Variants in GCNT1 observed in about 807,000 individuals in gnomAD.
The protein encoded by GCNT1 is beta-1,3-galactosyl-O-glycosyl-glycoprotein beta-1,6-N-acetylglucosaminyltransferase.
Under a neutral mutation model 26.2 loss-of-function variants are expected in GCNT1, and 16 were observed. The observed-to-expected ratio is 0.61, with a 90% CI of 0.41 to 0.93. The LOEUF is 0.93. GCNT1 is among the 40% of genes least tolerant of loss of function. The pLI is 0.00. For synonymous variants in GCNT1, 183 were observed against 190.8 expected, an observed-to-expected ratio of 0.96 and a Z score of 0.34; for missense variants, 477 against 526.7, an observed-to-expected ratio of 0.91 and a Z score of 0.92.
the GCNT1 span, among the ~76,000 whole-genome samples, chr9:76,399,992 A>G: frequency 1.8e-4 from 28 of 152,208 alleles, no homozygotes; most frequent in African/African-American, 6.3e-4. Context: ...GCTACATAAC[A>G]CATGATTCCA....
chr9:76,486,429 T>C lies in GCNT1; in HGVS notation c.-289-14487T>C, dbSNP rs577018981. Among the ~76,000 whole-genome samples the C allele has an allele frequency of 3.9e-5, 6 of 152,332 alleles. No homozygotes were observed. The East Asian group carries it at 1.2e-3, about 29-fold the overall frequency. Reference sequence around the variant, plus strand: ...TTGACCAATAGCTTGGCTGGTTATTTAGAATTCCAAGTTGAAAACAGTTTT... The same window carrying C: ...TTGACCAATAGCTTGGCTGGTTATTCAGAATTCCAAGTTGAAAACAGTTTT... On this transcript the variant is annotated intron_variant, in intron 2 of 3. Coordinates refer to ENST00000376730, the MANE Select transcript of GCNT1 (RefSeq NM_001490.5).
chr9:76,437,739 G>C (rs114263696), upstream of GCNT1, among the ~76,000 whole-genome samples: 356 of 152,236 alleles, frequency 2.3e-3, 1 homozygote, highest in African/African-American at 8.0e-3. Context: ...CATAACAAGA[G>C]TCTTACTGGC....
At chr9:76,422,961 T>A (rs909692086) in intron 1 of GCNT1, among the ~76,000 whole-genome samples, 6 of 152,378 alleles carry the variant, frequency 3.9e-5, no homozygotes, top group Non-Finnish European at 5.9e-5. Flanking sequence ...AATGGTAGAC[T>A]AATGTAATAA....
rs1395625481 is a variant in GCNT1 at position 76,503,904 on chromosome 9, G to A, written c.*236G>A. ...GTGGGAGGAGTAAAGGTAGCCTTGA[G>A]GCCAGAGCAGGTAGCAAGGCATTGT... On this transcript the variant is annotated 3_prime_UTR_variant, in exon 4 of 4. Coordinates refer to ENST00000376730, the MANE Select transcript of GCNT1 (RefSeq NM_001490.5). 1 of 525,022 alleles carries A rather than the reference G, an allele frequency of 1.9e-6. No individual in the cohort carries two copies. 32.5% of individuals were successfully genotyped at this position (525,022 alleles called of 1,614,324 possible). A position where few individuals can be genotyped will look rare whatever the true frequency, so the allele number is the denominator to read the frequency against.
chr9:76,496,851 G>T (rs1003430649), intron 2 of GCNT1, among the ~76,000 whole-genome samples: 3 of 151,964 alleles, frequency 2.0e-5, no homozygotes, highest in African/African-American at 4.8e-5. Context: ...TAGGTTATGC[G>T]ATCTACTTAA....
chr9:76,439,372 G>A (rs950625773), upstream of GCNT1, among the ~76,000 whole-genome samples: 13 of 151,770 alleles, frequency 8.6e-5, no homozygotes, highest in African/African-American at 2.9e-4. Flanking sequence ...TTACAGGTGC[G>A]TGGCACCACG....
chr9:76,448,002 G>T (rs1823605308), intron 1 of GCNT1, among the ~76,000 whole-genome samples: 2 of 152,198 alleles, frequency 1.3e-5, no homozygotes, highest in South Asian at 2.1e-4. Context: ...TTCCAGATAG[G>T]AATCACTGAG....
At chr9:76,413,597 C>T in the GCNT1 span, among the ~76,000 whole-genome samples, 5,977 of 138,082 alleles carry the variant, frequency 0.043, 174 homozygotes, top group Middle Eastern at 0.12. Context: ...ATTTCTTTGT[C>T]TTTGATTTTT....
At chr9:76,445,436 G>A (rs1301988216) in intron 1 of GCNT1, among the ~76,000 whole-genome samples, 1 of 151,972 alleles carries the variant, frequency 6.6e-6, no homozygotes, top group African/African-American at 2.4e-5. Context: ...CACCCAGGCT[G>A]GAGTGCAGTG....
chr9:76,484,382 A>G lies in GCNT1; in HGVS notation c.-289-16534A>G, dbSNP rs1050581899. On this transcript the variant is annotated intron_variant, in intron 2 of 3. Transcript: ENST00000376730. ...GAGACCCTGTCTTAAAAAAAAAAAA[A>G]AGAGAGAGAAAGCAAAAAACTTAAG... Among the ~76,000 whole-genome samples the G allele has an allele frequency of 6.6e-5, 10 of 151,986 alleles. 1 individual carries two copies. The highest frequency in any genetic ancestry group is 4.1e-4 in the South Asian group (2 of 4,826).
chr9:76,430,903 C>T (rs1823329699), intron 1 of GCNT1, among the ~76,000 whole-genome samples: 1 of 152,158 alleles, frequency 6.6e-6, no homozygotes, highest in Non-Finnish European at 1.5e-5. Flanking sequence ...CCAGGCTGGT[C>T]TCGAACTCCT....
Position 76,505,205 on chromosome 9 carries a change from T to TA in GCNT1, c.*1538dup. ...ATAGTACATGAGAAATTCAGAGTATTAGACAGTTTTAAGGCATTCAACTGA... is the reference window on the plus strand; with the variant it reads ...ATAGTACATGAGAAATTCAGAGTATTAAGACAGTTTTAAGGCATTCAACTGA... On this transcript the variant is annotated 3_prime_UTR_variant, in exon 4 of 4. Coordinates refer to ENST00000376730, the MANE Select transcript of GCNT1 (RefSeq NM_001490.5). The TA allele has an allele frequency of 2.8e-6, 1 of 358,646 alleles. No homozygotes were observed. Among genetic ancestry groups the TA allele is most frequent in the Non-Finnish European group, 5.2e-6 (1 of 192,222 alleles). The allele number at this position is 358,646 out of a possible 1,614,324, so 22.2% of individuals were successfully genotyped here. A position where few individuals can be genotyped will look rare whatever the true frequency, so the allele number is the denominator to read the frequency against.
At chr9:76,447,043 T>C (rs1823587962) in intron 1 of GCNT1, among the ~76,000 whole-genome samples, 1 of 148,364 alleles carries the variant, frequency 6.7e-6, no homozygotes, top group African/African-American at 2.5e-5. Flanking sequence ...TAATCCCAGC[T>C]ACTTGGGAGG....
chr9:76,447,235 T>TTTCTTTTTC, intron 1 of GCNT1, among the ~76,000 whole-genome samples: 1 of 151,912 alleles, frequency 6.6e-6, no homozygotes, highest in South Asian at 2.1e-4. Context: ...CTTTTCTTTT[T>TTTCTTTTTC]TTCTTTTTCT....
chr9:76,412,658 T>G, the GCNT1 span, among the ~76,000 whole-genome samples: 1 of 152,236 alleles, frequency 6.6e-6, no homozygotes, highest in African/African-American at 2.4e-5. Context: ...TTTAATTTTC[T>G]CATATTGGAA....
At chr9:76,398,375 A>G in the GCNT1 span, among the ~76,000 whole-genome samples, 3 of 152,242 alleles carry the variant, frequency 2.0e-5, no homozygotes, top group East Asian at 3.8e-4. Flanking sequence ...AGATACTACT[A>G]TATACCAATT....
intron 1 of GCNT1, among the ~76,000 whole-genome samples, chr9:76,427,649 G>C (rs979520589): frequency 3.9e-5 from 6 of 152,102 alleles, no homozygotes. Context: ...TTACAGCATA[G>C]TTTATACATG....
At chr9:76,449,555 T>TG (rs1447193675) in intron 1 of GCNT1, among the ~76,000 whole-genome samples, 2 of 152,072 alleles carry the variant, frequency 1.3e-5, no homozygotes, top group African/African-American at 4.8e-5. Context: ...ATAACACACC[T>TG]CACTAAACAA....
intron 2 of GCNT1, among the ~76,000 whole-genome samples, chr9:76,480,591 G>T (rs1824396198): frequency 6.6e-6 from 1 of 152,176 alleles, no homozygotes; most frequent in African/African-American, 2.4e-5. Flanking sequence ...CCCCCAGGCT[G>T]TCAGCTGGTG....
Sources: allele counts gnomAD v4.1 joint callset (sites outside exome capture counted in the v4.1 genomes callset), GRCh38; gene constraint gnomAD v4.1.1; transcripts MANE v1.5; gene names NCBI Gene and HGNC (gene_info 2026-07-23, HGNC 2026-07-21).